The following PNPT1 variants were observed in gnomAD, a reference collection of about 807,000 sequenced individuals.
PNPT1 encodes polyribonucleotide nucleotidyltransferase 1, also known as polyribonucleotide nucleotidyltransferase 1, mitochondrial.
In PNPT1, 53 loss-of-function variants were observed where a neutral mutation model predicts 119.5. The ratio of observed to expected loss-of-function variants is 0.44; its 90% CI spans 0.36 to 0.56. PNPT1 has a LOEUF of 0.56. Ranked by LOEUF, PNPT1 falls within the 20% of genes least tolerant of loss-of-function variation. PNPT1 has a pLI of 0.00. For missense variants in PNPT1, 948 were observed against 938.5 expected (o/e 1.01, Z -0.13); for synonymous variants, 357 against 322.1 (o/e 1.11, Z -1.16).
At chr2:55,687,006 A>G (rs1697427342) in intron 2 of PNPT1, among the ~76,000 whole-genome samples, 1 of 151,974 alleles carries the variant, frequency 6.6e-6, no homozygotes, top group Non-Finnish European at 1.5e-5. Context: ...CGAGGTCAGG[A>G]GATCAACACC....
intron 15 of PNPT1, among the ~76,000 whole-genome samples, chr2:55,657,192 G>A (rs1007251233): frequency 1.2e-4 from 18 of 151,802 alleles, no homozygotes; most frequent in African/African-American, 3.9e-4. Context: ...AGCAGGGCGT[G>A]GTGGCGCATG....
In PNPT1 at chr2:55,640,669, C is replaced by A; in HGVS notation, c.2106G>T (p.Met702Ile). 6.3e-7 allele frequency: 1 copy of A among 1,592,908 alleles called. No homozygotes were observed. The highest frequency in any genetic ancestry group is 1.1e-5 in the South Asian group (1 of 90,516). Residue 702 changes from methionine (M) to isoleucine (I), a missense_variant, in exon 26 of 28, where the codon ATG (methionine) becomes ATT (isoleucine). Transcript: ENST00000447944. ...TGVMVKLYPN[M>I]TAVLLHNTQL... ...GTGTGTTATGAAGCAGTACCGCAGT[C>A]ATATTTGGATATAATTTTACCATTA...
intron 18 of PNPT1, among the ~76,000 whole-genome samples, chr2:55,649,315 G>A (rs1292738612): frequency 1.3e-5 from 2 of 152,062 alleles, no homozygotes; most frequent in Non-Finnish European, 2.9e-5. Context: ...ATACATATAT[G>A]TTCAAAATTG....
chr2:55,637,734 A>C, intron 26 of PNPT1, 135 bp from the exon 27 acceptor site: 1 of 703,294 alleles, frequency 1.4e-6, no homozygotes, highest in Non-Finnish European at 2.4e-6. Context: ...CAGTGGCTCA[A>C]GCCTGTAATT....
intron 1 of PNPT1, among the ~76,000 whole-genome samples, chr2:55,692,969 GTC>G (rs1292853956): frequency 6.6e-6 from 1 of 151,620 alleles, no homozygotes; most frequent in Non-Finnish European, 1.5e-5. Context: ...CCCTGTCACT[GTC>G]TCTCTCTCTC....
chr2:55,677,832 C>T (rs560958728), intron 8 of PNPT1, among the ~76,000 whole-genome samples: 24 of 150,626 alleles, frequency 1.6e-4, no homozygotes, highest in African/African-American at 5.1e-4. Context: ...CTCTGCCTCC[C>T]GGGTTCACGC....
At position 55,634,510 on chromosome 2, in the gene PNPT1, C is replaced by T. The variant is rs56122729; in HGVS notation, c.*1727G>A. Reference sequence around the variant, plus strand: ...TTCCTGACCTCATGTAATCCACCCGCCTCGGCCTCCCAAAGTGCTGGAATT... The same window carrying T: ...TTCCTGACCTCATGTAATCCACCCGTCTCGGCCTCCCAAAGTGCTGGAATT... On this transcript the variant is annotated 3_prime_UTR_variant, in exon 28 of 28. Coordinates refer to ENST00000447944, the MANE Select transcript of PNPT1 (RefSeq NM_033109.5). 33,695 of 150,816 alleles carry T rather than the reference C, an allele frequency of 0.22. 3,809 individuals carry two copies. The highest frequency in any genetic ancestry group is 0.35 in the East Asian group (1,796 of 5,106). 9.3% of individuals were successfully genotyped at this position (150,816 alleles called of 1,614,324 possible). A position where few individuals can be genotyped will look rare whatever the true frequency, so the allele number is the denominator to read the frequency against.
chr2:55,672,674 A>G (rs1696951213), intron 9 of PNPT1, among the ~76,000 whole-genome samples: 1 of 152,200 alleles, frequency 6.6e-6, no homozygotes, highest in East Asian at 1.9e-4. Context: ...ACCAATAAAC[A>G]CACTCTTTCA....
At chr2:55,689,822 T>A (rs546774182) in intron 1 of PNPT1, among the ~76,000 whole-genome samples, 83 of 152,168 alleles carry the variant, frequency 5.5e-4, no homozygotes, top group Non-Finnish European at 8.7e-4. Context: ...ACTTTATTTA[T>A]CTGTATTTAC....
At position 55,688,008 on chromosome 2, in the gene PNPT1, T is replaced by TG. The variant is rs552344101; in HGVS notation, c.162-304dup. On this transcript the variant is annotated intron_variant, in intron 1 of 27. Coordinates refer to ENST00000447944, the MANE Select transcript of PNPT1 (RefSeq NM_033109.5). Reference sequence around the variant, plus strand: ...TGTACCATCTATTTTTTTTTTGAGGTGGGGGGTGGTCTTTGTGCCTTGTAT... The same window carrying TG: ...TGTACCATCTATTTTTTTTTTGAGGTGGGGGGGTGGTCTTTGTGCCTTGTAT... Among the ~76,000 whole-genome samples the TG allele has an allele frequency of 2.2e-3, 341 of 151,608 alleles. 4 individuals are homozygous for TG. The highest frequency in any genetic ancestry group is 8.0e-3 in the African/African-American group (331 of 41,356).
chr2:55,639,537 G>A (rs1695777864), intron 26 of PNPT1, among the ~76,000 whole-genome samples: 1 of 152,078 alleles, frequency 6.6e-6, no homozygotes, highest in African/African-American at 2.4e-5. Context: ...TTCAAAAATT[G>A]CTGTTGATAT....
At chr2:55,676,584 G>T (rs540253068) in intron 8 of PNPT1, among the ~76,000 whole-genome samples, 1 of 152,144 alleles carries the variant, frequency 6.6e-6, no homozygotes, top group Non-Finnish European at 1.5e-5. Flanking sequence ...ATGACTGCCC[G>T]GGAGTGGTGG....
intron 23 of PNPT1, among the ~76,000 whole-genome samples, chr2:55,644,393 G>A (rs546687108): frequency 1.3e-5 from 2 of 152,176 alleles, no homozygotes; most frequent in African/African-American, 4.8e-5. Context: ...ACTATAAAAT[G>A]TTGCAAAAAA....
chr2:55,637,261 G>A (rs572850586), intron 27 of PNPT1, among the ~76,000 whole-genome samples: 3 of 152,160 alleles, frequency 2.0e-5, no homozygotes, highest in East Asian at 1.9e-4. Context: ...CAGTTCTTAC[G>A]TCAGTGCCCA....
intron 13 of PNPT1, among the ~76,000 whole-genome samples, chr2:55,664,115 A>G (rs1402016324): frequency 6.6e-6 from 1 of 152,264 alleles, no homozygotes; most frequent in Non-Finnish European, 1.5e-5. Context: ...TATGTGGGCC[A>G]ATATAAAAGC....
At chr2:55,655,657 T>TA (rs1696362872) in intron 17 of PNPT1, among the ~76,000 whole-genome samples, 1 of 152,254 alleles carries the variant, frequency 6.6e-6, no homozygotes, top group Non-Finnish European at 1.5e-5. Flanking sequence ...TTACGTCTGT[T>TA]ACACCTTTAA....
intron 22 of PNPT1, chr2:55,644,921 A>G (rs926707918): frequency 2.1e-5 from 9 of 424,316 alleles, no homozygotes; most frequent in Non-Finnish European, 2.5e-5. Context: ...TTTAACTACA[A>G]AAGTATTTAA....
intron 5 of PNPT1, among the ~76,000 whole-genome samples, chr2:55,681,314 G>A (rs998388275): frequency 6.6e-6 from 1 of 152,122 alleles, no homozygotes; most frequent in Non-Finnish European, 1.5e-5. Context: ...GGCTGAGGCA[G>A]AAGAATCTCT....
chr2:55,647,522 A>ATTTT, intron 18 of PNPT1, 69 bp from the exon 19 acceptor site: 8 of 945,862 alleles, frequency 8.5e-6, no homozygotes, highest in Non-Finnish European at 1.0e-5. Flanking sequence ...TTATCTATCA[A>ATTTT]TTTTTTTTTT....
Sources: allele counts gnomAD v4.1 joint callset (sites outside exome capture counted in the v4.1 genomes callset), GRCh38; gene constraint gnomAD v4.1.1; transcripts MANE v1.5; gene names NCBI Gene and HGNC (gene_info 2026-07-23, HGNC 2026-07-21).